Variants in TMEM132C observed in about 807,000 individuals in gnomAD.
TMEM132C encodes transmembrane protein 132C.
In TMEM132C, 29 loss-of-function variants were observed where a neutral mutation model predicts 61.4. The ratio of observed to expected loss-of-function variants is 0.47; its 90% CI spans 0.35 to 0.64. The LOEUF (loss-of-function observed/expected upper bound fraction) is 0.64. Among genes scored for constraint, TMEM132C ranks in the 30% least tolerant of loss-of-function variants. The pLI is 0.00. For synonymous variants in TMEM132C, 656 were observed against 633.1 expected, an observed-to-expected ratio of 1.04 and a Z score of -0.54; for missense variants, 1,408 against 1,476.9, an observed-to-expected ratio of 0.95 and a Z score of 0.76.
intron 2 of TMEM132C, among the ~76,000 whole-genome samples, chr12:128,540,838 C>G (rs1044628945): frequency 1.3e-5 from 2 of 152,072 alleles, no homozygotes; most frequent in South Asian, 4.2e-4. Context: ...CTGGAGAAAT[C>G]GTCAGGGCCC....
At chr12:128,664,059 CAGGCACACACACAT>C (rs1954430209) in intron 4 of TMEM132C, among the ~76,000 whole-genome samples, 1 of 143,736 alleles carries the variant, frequency 7.0e-6, no homozygotes, top group African/African-American at 2.7e-5. Flanking sequence ...CGGGCACTCA[CAGGCACACACACAT>C]ACAGGCACAA....
chr12:128,517,098 G>A (rs189922418), intron 2 of TMEM132C, among the ~76,000 whole-genome samples: 105 of 151,894 alleles, frequency 6.9e-4, no homozygotes, highest in African/African-American at 2.5e-3. Flanking sequence ...AGGTGTGGTG[G>A]CGTGTGCCTG....
chr12:128,382,231 A>G (rs1874423877), intron 1 of TMEM132C, among the ~76,000 whole-genome samples: 1 of 152,192 alleles, frequency 6.6e-6, no homozygotes, highest in South Asian at 2.1e-4. Flanking sequence ...TTGTGCTCAC[A>G]GAAAAATGCA....
chr12:128,588,182 T>C (rs750227153), intron 3 of TMEM132C, among the ~76,000 whole-genome samples: 6 of 152,194 alleles, frequency 3.9e-5, no homozygotes, highest in Non-Finnish European at 5.9e-5. Context: ...ACCTGTCATC[T>C]CAGCACTTTA....
chr12:128,594,381 C>CCG (rs1875871640), intron 3 of TMEM132C, among the ~76,000 whole-genome samples: 1 of 150,200 alleles, frequency 6.7e-6, no homozygotes, highest in Non-Finnish European at 1.5e-5. Flanking sequence ...CCCACACACA[C>CCG]TGGAATGAAA....
At position 128,503,272 on chromosome 12, in the gene TMEM132C, T is replaced by G. The variant is rs75897253; in HGVS notation, c.975-40685T>G. Among the ~76,000 whole-genome samples, 877 of 152,344 alleles carry G rather than the reference T, an allele frequency of 5.8e-3. 9 individuals carry two copies. The highest frequency in any genetic ancestry group is 0.02 in the African/African-American group (811 of 41,584). The stretch of plus-strand genomic sequence containing the variant: ...CGGAGTTCATCTGACGAAAGCTTGA[T>G]GTACAGTTTTCAGAGTCAAGAAAAT... On this transcript the variant is annotated intron_variant, in intron 2 of 8. Transcript: ENST00000435159.
intron 1 of TMEM132C, among the ~76,000 whole-genome samples, chr12:128,289,353 C>T (rs1347809877): frequency 6.6e-6 from 1 of 152,162 alleles, no homozygotes; most frequent in African/African-American, 2.4e-5. Flanking sequence ...TTTTTAAGAA[C>T]AAGGGAATCT....
intron 1 of TMEM132C, among the ~76,000 whole-genome samples, chr12:128,313,871 A>T (rs966889678): frequency 6.6e-6 from 1 of 152,252 alleles, no homozygotes; most frequent in African/African-American, 2.4e-5. Flanking sequence ...GAAATGGCCA[A>T]GCATGTGGGG....
chr12:128,431,926 G>T (rs1869403567), intron 2 of TMEM132C, among the ~76,000 whole-genome samples: 1 of 152,082 alleles, frequency 6.6e-6, no homozygotes, highest in Non-Finnish European at 1.5e-5. Context: ...AATGCAGCTG[G>T]TGACTTTCAG....
chr12:128,541,029 C>CTCTCTG (rs1873727071), intron 2 of TMEM132C, among the ~76,000 whole-genome samples: 1 of 150,416 alleles, frequency 6.6e-6, no homozygotes. Context: ...CTTTCTCTGT[C>CTCTCTG]TCTCTCTCTC....
chr12:128,705,689 G>A lies in TMEM132C; in HGVS notation c.2721G>A (p.Gly907=), dbSNP rs534721977. 1.9e-6 allele frequency: 3 copies of A among 1,551,462 alleles called. No homozygotes were observed. Among genetic ancestry groups the A allele is most frequent in the Non-Finnish European group, 2.6e-6 (3 of 1,146,966 alleles). Residue 907 remains glycine, a synonymous_variant, in exon 9 of 9, where the codon GGG becomes GGA. Coordinates refer to ENST00000435159, the MANE Select transcript of TMEM132C (RefSeq NM_001136103.3). ...AHVDLPKAGS[G]LEENDLVQTP... is the part of the protein sequence containing the mutation. ...TGGACCTCCCCAAGGCCGGGAGTGG[G>A]CTGGAGGAAAACGACCTGGTGCAGA...
chr12:128,662,743 C>T (rs902595278), intron 4 of TMEM132C, among the ~76,000 whole-genome samples: 3 of 151,458 alleles, frequency 2.0e-5, no homozygotes, highest in Non-Finnish European at 4.4e-5. Context: ...TGTGACTTGG[C>T]TTTTTTTTTC....
At chr12:128,659,251 C>G (rs1181656703) in intron 4 of TMEM132C, among the ~76,000 whole-genome samples, 1 of 152,064 alleles carries the variant, frequency 6.6e-6, no homozygotes, top group Non-Finnish European at 1.5e-5. Flanking sequence ...TTGCCATGGA[C>G]AGGAATTGGC....
At chr12:128,328,524 C>G (rs1413510747) in intron 1 of TMEM132C, among the ~76,000 whole-genome samples, 1 of 152,134 alleles carries the variant, frequency 6.6e-6, no homozygotes. Flanking sequence ...CTCAGTGGCT[C>G]ACGCCTGTAA....
intron 1 of TMEM132C, among the ~76,000 whole-genome samples, chr12:128,275,098 G>A (rs908126596): frequency 1.3e-5 from 2 of 152,190 alleles, no homozygotes; most frequent in African/African-American, 4.8e-5. Flanking sequence ...AAGACCTAGT[G>A]TATGTAGTGA....
In TMEM132C at chr12:128,707,374, A is replaced by G. The variant is rs1252612897; in HGVS notation, c.*1079A>G. ...CAACCTGGTGGGCTTGGTCTATCACAAGACATAACTGATGCTGAACATGAA... is the reference window on the plus strand; with the variant it reads ...CAACCTGGTGGGCTTGGTCTATCACGAGACATAACTGATGCTGAACATGAA... On this transcript the variant is annotated 3_prime_UTR_variant, in exon 9 of 9. Coordinates refer to ENST00000435159, the MANE Select transcript of TMEM132C (RefSeq NM_001136103.3). 1.3e-5 allele frequency: 2 copies of G among 152,256 alleles called. No homozygotes were observed. Among genetic ancestry groups the G allele is most frequent in the African/African-American group, 4.8e-5 (2 of 41,460 alleles). 9.4% of individuals were successfully genotyped at this position (152,256 alleles called of 1,614,324 possible). A position where few individuals can be genotyped will look rare whatever the true frequency, so the allele number is the denominator to read the frequency against.
chr12:128,706,067 G>A lies in TMEM132C; in HGVS notation c.3099G>A (p.Gly1033=), dbSNP rs569482776. The A allele has an allele frequency of 2.7e-4, 414 of 1,551,678 alleles. 5 individuals are homozygous for A. In the East Asian group the frequency reaches 9.9e-3, roughly 37 times the overall value. The part of the protein sequence containing the change: ...SQIHRSADSG[G]RQGREQKQDP... ...TTCACAGGTCAGCCGACTCCGGGGG[G>A]CGGCAGGGCAGAGAACAGAAGCAGG... is the stretch of plus-strand genomic sequence containing the variant. The change falls in exon 9 of 9, where the codon GGG becomes GGA. Residue 1033 remains glycine (G), a synonymous_variant. Transcript: ENST00000435159.
chr12:128,687,158 C>T (rs1314909815), intron 5 of TMEM132C, among the ~76,000 whole-genome samples: 5 of 138,832 alleles, frequency 3.6e-5, no homozygotes, highest in African/African-American at 8.3e-5. Context: ...GCCGAGATGG[C>T]GCCATTGCAC....
chr12:128,349,918 TACAC>T lies in TMEM132C; in HGVS notation c.86-64793_86-64790del, dbSNP rs56323654. On this transcript the variant is annotated intron_variant, in intron 1 of 8. Transcript: ENST00000435159. Reference sequence around the variant, plus strand: ...TCTAAATATGTATGAACACGTACCGTACACACACACACACACACACACACGTGCA... The same window carrying T: ...TCTAAATATGTATGAACACGTACCGTACACACACACACACACACACGTGCA... 1.7e-3 allele frequency among the ~76,000 whole-genome samples: 248 copies of T among 148,220 alleles called. 1 individual carries two copies. Among genetic ancestry groups the T allele is most frequent in the Middle Eastern group, 6.9e-3 (2 of 288 alleles).
Sources: gnomAD v4.1 joint callset for allele counts (sites outside exome capture counted in the v4.1 genomes callset) on GRCh38, gnomAD v4.1.1 for gene constraint, MANE v1.5 for transcripts, NCBI Gene and HGNC (gene_info 2026-07-23, HGNC 2026-07-21) for gene names.